FMN1: variants seen among roughly 807,000 people sequenced by gnomAD.
FMN1 encodes formin 1, also known as formin-1.
FMN1 carries 110 observed loss-of-function variants against 132.4 expected under a neutral mutation model. That is an observed-to-expected ratio of 0.83 (90% CI 0.71 to 0.97). The LOEUF is 0.97. Among genes scored for constraint, FMN1 ranks in the 50% least tolerant of loss-of-function variants. The pLI is 0.00. For synonymous variants in FMN1, 722 were observed against 651.7 expected, an observed-to-expected ratio of 1.11 and a Z score of -1.64; for missense variants, 1,792 against 1,705.3, an observed-to-expected ratio of 1.05 and a Z score of -0.90.
At chr15:33,119,666 T>C (rs899474448) in intron 4 of FMN1, among the ~76,000 whole-genome samples, 12 of 152,234 alleles carry the variant, frequency 7.9e-5, no homozygotes, top group African/African-American at 2.2e-4. Flanking sequence ...AAAAGATGTT[T>C]TCAGTTAAAC....
chr15:33,191,249 C>T (rs554535228), intron 2 of FMN1, among the ~76,000 whole-genome samples: 10 of 152,034 alleles, frequency 6.6e-5, no homozygotes, highest in Non-Finnish European at 1.5e-4. Flanking sequence ...AGTAAAAAAG[C>T]GTTTCATTTG....
At chr15:33,066,473 A>G (rs1163857168) in intron 5 of FMN1, 4 of 1,428,318 alleles carry the variant, frequency 2.8e-6, no homozygotes, top group East Asian at 2.5e-5. Context: ...CAGCAGCACC[A>G]TATTTTATGT....
intron 9 of FMN1, among the ~76,000 whole-genome samples, chr15:32,957,381 CA>C (rs2029926996): frequency 7.7e-6 from 1 of 129,588 alleles, no homozygotes; most frequent in African/African-American, 2.9e-5. Flanking sequence ...GGCTCCTTGT[CA>C]AGGTGCTGAC....
rs3812932 is a variant in FMN1, at chr15:32,766,709, C to A, written c.*7601G>T. ...GTGACAGCGGAGCTCCCTGTCCAAA[C>A]GGCTGAGGAACGGAGCACAGGGTGT... On this transcript the variant is annotated 3_prime_UTR_variant, in exon 21 of 21. Transcript: ENST00000616417. 20,673 of 152,030 alleles carry A rather than the reference C, an allele frequency of 0.14. 1,473 individuals carry two copies. Among genetic ancestry groups the A allele is most frequent in the Middle Eastern group, 0.18 (54 of 294 alleles). 9.4% of individuals were successfully genotyped at this position (152,030 alleles called of 1,614,324 possible). A position where few individuals can be genotyped will look rare whatever the true frequency, so the allele number is the denominator to read the frequency against.
At chr15:32,909,172 C>A (rs1036615222) in intron 11 of FMN1, among the ~76,000 whole-genome samples, 4 of 152,168 alleles carry the variant, frequency 2.6e-5, no homozygotes, top group Admixed American at 6.5e-5. Context: ...GTCCTGAGCT[C>A]ATGGTAACAA....
At chr15:33,052,432 TA>T (rs1292224551) in intron 6 of FMN1, among the ~76,000 whole-genome samples, 1 of 152,122 alleles carries the variant, frequency 6.6e-6, no homozygotes, top group Non-Finnish European at 1.5e-5. Flanking sequence ...ATCAAAGACT[TA>T]AACAAATACA....
chr15:33,075,395 T>G (rs17235575), intron 5 of FMN1, among the ~76,000 whole-genome samples: 3 of 151,970 alleles, frequency 2.0e-5, no homozygotes, highest in African/African-American at 7.3e-5. Flanking sequence ...CTCTGATATA[T>G]GCACTTGGGC....
chr15:33,159,916 A>G (rs1346241918), intron 3 of FMN1, among the ~76,000 whole-genome samples: 3 of 152,182 alleles, frequency 2.0e-5, no homozygotes, highest in Non-Finnish European at 2.9e-5. Context: ...GGAAAACCCT[A>G]TTTCTTTTTC....
At chr15:32,862,337 A>AT (rs1285724713) in intron 16 of FMN1, among the ~76,000 whole-genome samples, 1 of 152,098 alleles carries the variant, frequency 6.6e-6, no homozygotes, top group Non-Finnish European at 1.5e-5. Context: ...TCTTTCTGTT[A>AT]TTTTTCTCTT....
At chr15:33,103,174 G>A (rs1478763121) in intron 4 of FMN1, among the ~76,000 whole-genome samples, 2 of 152,002 alleles carry the variant, frequency 1.3e-5, no homozygotes, top group Non-Finnish European at 2.9e-5. Flanking sequence ...TTTTTCAGGT[G>A]ATAAGATCTA....
intron 19 of FMN1, among the ~76,000 whole-genome samples, chr15:32,795,329 G>A (rs951224392): frequency 1.3e-5 from 2 of 152,154 alleles, no homozygotes; most frequent in African/African-American, 4.8e-5. Context: ...CAACTCACCT[G>A]CAAGTCCTTG....
At position 32,910,461 on chromosome 15, in the gene FMN1, C is replaced by CT. The variant is rs757038665; in HGVS notation, c.3288+12dup. On this transcript the variant is annotated intron_variant, in intron 11 of 20. Coordinates refer to ENST00000616417, the MANE Select transcript of FMN1 (RefSeq NM_001277313.2). Reference sequence around the variant, plus strand: ...ATATGGAAATACTAGCTCTGTAAGTCTTTGACACTCACGTTTTCATATAAG... The same window carrying CT: ...ATATGGAAATACTAGCTCTGTAAGTCTTTTGACACTCACGTTTTCATATAAG... 10 of 1,562,340 alleles carry CT rather than the reference C, an allele frequency of 6.4e-6. No individual in the cohort carries two copies. The highest frequency in any genetic ancestry group is 2.4e-5 in the East Asian group (1 of 42,546).
At position 33,088,982 on chromosome 15, in the gene FMN1, A is replaced by C. The variant is rs766800063; in HGVS notation, c.1868-8T>G. On this transcript the variant is annotated splice_region_variant and splice_polypyrimidine_tract_variant and intron_variant, in intron 4 of 20. Transcript: ENST00000616417. ...AGCCCTCAGAGGAGATACCTAAACAAACACAGAGAAGGCCATCAGTGACAT... is the reference window on the plus strand; with the variant it reads ...AGCCCTCAGAGGAGATACCTAAACACACACAGAGAAGGCCATCAGTGACAT... 25 of 1,526,704 alleles carry C rather than the reference A, an allele frequency of 1.6e-5. No homozygotes were observed. Among genetic ancestry groups the C allele is most frequent in the Admixed American group, 2.1e-5 (1 of 48,540 alleles). The allele number at this position is 1,526,704 out of a possible 1,614,324, so 94.6% of individuals were successfully genotyped here.
At chr15:33,022,263 C>T (rs1428306359) in intron 6 of FMN1, among the ~76,000 whole-genome samples, 1 of 151,978 alleles carries the variant, frequency 6.6e-6, no homozygotes, top group Non-Finnish European at 1.5e-5. Flanking sequence ...ATGCAGAATC[C>T]GAGAATACAG....
At chr15:32,981,028 T>C (rs1040205458) in intron 7 of FMN1, among the ~76,000 whole-genome samples, 1 of 151,856 alleles carries the variant, frequency 6.6e-6, no homozygotes, top group Non-Finnish European at 1.5e-5. Context: ...AAGAATGAAA[T>C]ACATTTCTTA....
chr15:32,794,468 C>T (rs1342339054), intron 19 of FMN1, among the ~76,000 whole-genome samples: 2 of 152,034 alleles, frequency 1.3e-5, no homozygotes, highest in South Asian at 2.1e-4. Context: ...GGCAGTGCTT[C>T]GTGTGCATGC....
intron 7 of FMN1, among the ~76,000 whole-genome samples, chr15:32,985,939 G>C (rs993049758): frequency 2.0e-5 from 3 of 152,000 alleles, no homozygotes; most frequent in African/African-American, 7.2e-5. Flanking sequence ...TAACATTAAG[G>C]GGCCAATGCA....
Position 32,772,169 on chromosome 15 carries a change from C to T in FMN1, c.*2141G>A, listed in dbSNP as rs192292789. ...GTCTAACTCTCAAATTAAGTGTTCT[C>T]ACTCATTATTCTTCAGCACTGGTTC... On this transcript the variant is annotated 3_prime_UTR_variant, in exon 21 of 21. Transcript: ENST00000616417. The T allele has an allele frequency of 1.6e-4, 24 of 152,352 alleles. No individual in the cohort carries two copies. The highest frequency in any genetic ancestry group is 5.5e-4 in the African/African-American group (23 of 41,578). 9.4% of individuals were successfully genotyped at this position (152,352 alleles called of 1,614,324 possible). A position where few individuals can be genotyped will look rare whatever the true frequency, so the allele number is the denominator to read the frequency against.
At chr15:32,779,206 T>C (rs529616425) in intron 19 of FMN1, among the ~76,000 whole-genome samples, 2 of 152,138 alleles carry the variant, frequency 1.3e-5, no homozygotes, top group Admixed American at 6.5e-5. Flanking sequence ...TAAAATCAGA[T>C]AGAGGTAATG....
Sources: gnomAD v4.1 joint callset for allele counts (sites outside exome capture counted in the v4.1 genomes callset) on GRCh38, gnomAD v4.1.1 for gene constraint, MANE v1.5 for transcripts, NCBI Gene and HGNC (gene_info 2026-07-23, HGNC 2026-07-21) for gene names.